WWTR1: variants seen among roughly 807,000 people sequenced by gnomAD.
WWTR1 encodes the protein WW domain-containing transcription regulator protein 1.
In WWTR1, 13 loss-of-function variants were observed where a neutral mutation model predicts 40.1. The observed-to-expected ratio is 0.32, with a 90% CI of 0.21 to 0.52. The LOEUF is 0.52. Among genes scored for constraint, WWTR1 ranks in the 20% least tolerant of loss-of-function variants. The probability of loss-of-function intolerance (pLI) is 0.97; values close to 1 mark genes in which losing one functional copy is unlikely to be tolerated. For synonymous variants in WWTR1, 230 were observed against 210.1 expected, an observed-to-expected ratio of 1.09 and a Z score of -0.82; for missense variants, 436 against 523.1, an observed-to-expected ratio of 0.83 and a Z score of 1.63.
At chr3:149,540,466 C>T (rs1736042160) in intron 4 of WWTR1, among the ~76,000 whole-genome samples, 1 of 152,118 alleles carries the variant, frequency 6.6e-6, no homozygotes, top group Admixed American at 6.5e-5. Context: ...TCATTCTTTG[C>T]AGAATGGTCA....
rs147166852 is a variant in WWTR1, at chr3:149,535,624, T to C, written c.771+6711A>G. 2.6e-4 allele frequency among the ~76,000 whole-genome samples: 40 copies of C among 152,210 alleles called. No homozygotes were observed. In the East Asian group the frequency reaches 7.2e-3, roughly 27 times the overall value. Reference sequence around the variant, plus strand: ...TTACTCAGAGTGCATAAAGCAAATTTGTATTATTCCACAACTGGTTTCTGT... The same window carrying C: ...TTACTCAGAGTGCATAAAGCAAATTCGTATTATTCCACAACTGGTTTCTGT... On this transcript the variant is annotated intron_variant, in intron 4 of 6. Transcript: ENST00000360632.
chr3:149,617,298 G>A (rs1314903721), intron 2 of WWTR1, among the ~76,000 whole-genome samples: 1 of 152,130 alleles, frequency 6.6e-6, no homozygotes, highest in East Asian at 1.9e-4. Flanking sequence ...GGAGCAGTGT[G>A]CAATCCGTCT....
At position 149,663,421 on chromosome 3, in the gene WWTR1, C is replaced by T. The variant is rs538440657; in HGVS notation, c.-3-6112G>A. On this transcript the variant is annotated intron_variant, in intron 2 of 7. Coordinates refer to the WWTR1 transcript ENST00000465804. The stretch of plus-strand genomic sequence containing the variant: ...GCTTAAATTTCTTTATGAGGTCAGG[C>T]GCAGTGGCTCACGTCTGTAATCCTA... 1.3e-4 allele frequency among the ~76,000 whole-genome samples: 20 copies of T among 152,128 alleles called. No individual in the cohort carries two copies. In the East Asian group the frequency reaches 3.7e-3, roughly 28 times the overall value.
intron 1 of WWTR1, among the ~76,000 whole-genome samples, chr3:149,687,191 C>A (rs1332250572): frequency 6.6e-6 from 1 of 152,190 alleles, no homozygotes; most frequent in Non-Finnish European, 1.5e-5. Context: ...CCTACTTCAA[C>A]TGCAATTTTA....
rs908366861 is a variant in WWTR1 at position 149,519,558 on chromosome 3, T to G, written c.*1247A>C. 6.6e-6 allele frequency: 1 copy of G among 152,248 alleles called. No homozygotes were observed. Among genetic ancestry groups the G allele is most frequent in the Non-Finnish European group, 1.5e-5 (1 of 68,050 alleles). 9.4% of individuals were successfully genotyped at this position (152,248 alleles called of 1,614,324 possible). On this transcript the variant is annotated 3_prime_UTR_variant, in exon 7 of 7. Transcript: ENST00000360632. ...TGTTGTCCTGATGTTTTCAGAGTTA[T>G]TTCAAAAGACAAAAATACAGTTGCC...
At chr3:149,609,918 C>T (rs1177234363) in intron 2 of WWTR1, among the ~76,000 whole-genome samples, 3 of 152,196 alleles carry the variant, frequency 2.0e-5, no homozygotes, top group South Asian at 2.1e-4. Flanking sequence ...CTCTGCCTCA[C>T]GTCCAGTGAA....
At chr3:149,664,199 G>C (rs1182169312) in intron 2 of WWTR1, among the ~76,000 whole-genome samples, 1 of 152,216 alleles carries the variant, frequency 6.6e-6, no homozygotes, top group African/African-American at 2.4e-5. Context: ...GAACCAGTAT[G>C]GAGAAAATTC....
At chr3:149,587,501 G>A (rs1253257262) in intron 2 of WWTR1, among the ~76,000 whole-genome samples, 1 of 152,132 alleles carries the variant, frequency 6.6e-6, no homozygotes, top group Admixed American at 6.6e-5. Context: ...GTCACACCAC[G>A]GTGTAATACA....
At chr3:149,607,429 C>T (rs1739538608) in intron 2 of WWTR1, among the ~76,000 whole-genome samples, 1 of 152,182 alleles carries the variant, frequency 6.6e-6, no homozygotes. Context: ...ATTCTCCTGC[C>T]TCAGCCTCCT....
intron 2 of WWTR1, among the ~76,000 whole-genome samples, chr3:149,645,188 T>C (rs1335181685): frequency 1.3e-5 from 2 of 152,078 alleles, no homozygotes; most frequent in African/African-American, 2.4e-5. Context: ...CGCGCCATTC[T>C]CCTGCCTCGG....
intron 3 of WWTR1, among the ~76,000 whole-genome samples, chr3:149,542,857 A>C (rs904599452): frequency 2.0e-5 from 3 of 152,016 alleles, no homozygotes; most frequent in Admixed American, 6.6e-5. Flanking sequence ...GGTTATCACA[A>C]GTTATGAGAT....
chr3:149,681,662 G>A (rs537982089), intron 1 of WWTR1, among the ~76,000 whole-genome samples: 2 of 152,228 alleles, frequency 1.3e-5, no homozygotes, highest in Admixed American at 1.3e-4. Context: ...CCAAGATGTG[G>A]AAACAATTTA....
In WWTR1 at chr3:149,571,123, C is replaced by T. The variant is rs145688253; in HGVS notation, c.568+1741G>A. ...TAGTATGATTAAACATACACACACACACAACTAGAAACACTGGTTGGCTCC... is the reference window on the plus strand; with the variant it reads ...TAGTATGATTAAACATACACACACATACAACTAGAAACACTGGTTGGCTCC... On this transcript the variant is annotated intron_variant, in intron 3 of 6. Transcript: ENST00000360632. Among the ~76,000 whole-genome samples, 74 of 151,582 alleles carry T rather than the reference C, an allele frequency of 4.9e-4. 1 individual carries two copies. The highest frequency in any genetic ancestry group is 8.4e-4 in the Non-Finnish European group (57 of 67,956).
chr3:149,696,361 C>T (rs1457454641), intron 1 of WWTR1, among the ~76,000 whole-genome samples: 4 of 152,192 alleles, frequency 2.6e-5, no homozygotes, highest in Non-Finnish European at 4.4e-5. Context: ...TTCCTAAATG[C>T]TTAATATATG....
rs182429699 is a variant in WWTR1, at chr3:149,544,282, T to C, written c.569-1745A>G. Among the ~76,000 whole-genome samples the C allele has an allele frequency of 2.6e-4, 40 of 152,332 alleles. No individual in the cohort carries two copies. The East Asian group carries it at 7.1e-3, about 27-fold the overall frequency. ...AAGCTTTTCTAGAGAAGAATAGATT[T>C]CTTTGAGGAAGAATTCAATGGCAAA... On this transcript the variant is annotated intron_variant, in intron 3 of 6. Transcript: ENST00000360632.
intron 2 of WWTR1, among the ~76,000 whole-genome samples, chr3:149,653,567 C>A (rs1015327839): frequency 6.6e-6 from 1 of 152,226 alleles, no homozygotes; most frequent in Non-Finnish European, 1.5e-5. Flanking sequence ...CACAGGAAAG[C>A]TGTGAATGCT....
chr3:149,636,015 C>G (rs745878405), intron 2 of WWTR1, among the ~76,000 whole-genome samples: 1 of 151,894 alleles, frequency 6.6e-6, no homozygotes, highest in Non-Finnish European at 1.5e-5. Flanking sequence ...TCTTAAAGGA[C>G]AAGTAAAGAA....
intron 4 of WWTR1, among the ~76,000 whole-genome samples, chr3:149,533,501 G>T (rs1244533016): frequency 6.6e-6 from 1 of 152,218 alleles, no homozygotes; most frequent in East Asian, 1.9e-4. Flanking sequence ...CAGATACGAT[G>T]AAGGGCTTTC....
chr3:149,682,045 T>C (rs1163173340), intron 1 of WWTR1, among the ~76,000 whole-genome samples: 2 of 151,204 alleles, frequency 1.3e-5, no homozygotes, highest in Admixed American at 6.6e-5. Context: ...TAAATGTTCT[T>C]ACTACAGTAA....
Sources: allele counts gnomAD v4.1 joint callset (sites outside exome capture counted in the v4.1 genomes callset), GRCh38; gene constraint gnomAD v4.1.1; transcripts MANE v1.5; gene names NCBI Gene and HGNC (gene_info 2026-07-23, HGNC 2026-07-21).